ATXN2: variants seen among roughly 807,000 people sequenced by gnomAD.
The protein encoded by ATXN2 is ataxin 2.
A neutral mutation model predicts 138.6 loss-of-function variants in ATXN2; 37 were observed. The ratio of observed to expected loss-of-function variants is 0.27; its 90% CI spans 0.21 to 0.35. ATXN2 has a LOEUF of 0.35. ATXN2 is among the 10% of genes least tolerant of loss of function. The probability of loss-of-function intolerance (pLI) is 1.00; values close to 1 mark genes in which losing one functional copy is unlikely to be tolerated. For synonymous variants in ATXN2, 549 were observed against 543.7 expected (o/e 1.01, Z -0.13); for missense variants, 1,216 against 1,480.3 (o/e 0.82, Z 2.93).
intron 5 of ATXN2, among the ~76,000 whole-genome samples, chr12:111,547,723 C>T (rs1214998404): frequency 6.8e-6 from 1 of 147,466 alleles, no homozygotes; most frequent in Non-Finnish European, 1.5e-5. Context: ...AAAACTCCGT[C>T]CCAAGGAAAA....
intron 3 of ATXN2, among the ~76,000 whole-genome samples, chr12:111,553,572 C>CAAA (rs757837884): frequency 1.8e-3 from 89 of 48,848 alleles, no homozygotes; most frequent in Non-Finnish European, 2.6e-3. Context: ...TCTTTTTTCT[C>CAAA]AAAAAAAAAA....
At chr12:111,460,981 G>A (rs779608407) in intron 21 of ATXN2, among the ~76,000 whole-genome samples, 2 of 151,984 alleles carry the variant, frequency 1.3e-5, no homozygotes, top group African/African-American at 4.8e-5. Context: ...CCTAAATACC[G>A]GTAAACTTGC....
At chr12:111,495,013 T>C (rs1250357105) in intron 14 of ATXN2, among the ~76,000 whole-genome samples, 1 of 151,770 alleles carries the variant, frequency 6.6e-6, no homozygotes, top group African/African-American at 2.4e-5. Flanking sequence ...GCTAAATGGA[T>C]TTAAAAAAAA....
chr12:111,551,422 T>C (rs1234122109), intron 5 of ATXN2, among the ~76,000 whole-genome samples: 1 of 152,204 alleles, frequency 6.6e-6, no homozygotes, highest in Non-Finnish European at 1.5e-5. Flanking sequence ...TGTTCATCAA[T>C]GGACACTTAA....
chr12:111,584,732 G>T (rs375825914), intron 1 of ATXN2, among the ~76,000 whole-genome samples: 1 of 151,752 alleles, frequency 6.6e-6, no homozygotes, highest in East Asian at 1.9e-4. Context: ...TTGGGAGGCC[G>T]AGGCAAGTGG....
rs1433950951 is a variant in ATXN2 at position 111,552,399 on chromosome 12, T to C, written c.452A>G (p.Lys151Arg). 1 of 1,612,984 alleles carries C rather than the reference T, an allele frequency of 6.2e-7. No individual in the cohort carries two copies. Among genetic ancestry groups the C allele is most frequent in the East Asian group, 2.2e-5 (1 of 44,794 alleles). ...CDLVLDAAHE[K>R]STESSSGPKR... ...CGGCCCCGAACTGGATTCTGTACTT[T>C]TCTCATGTGCGGCATCAAGTACCAA... The change falls in exon 5 of 25, where the codon AAA becomes AGA. Residue 151 changes from lysine (K) to arginine (R), a missense_variant. Around this residue, in one of 4 missense-constraint regions of ATXN2, gnomAD observed 401 missense variants for 528.1 expected, o/e 0.76. Coordinates refer to ENST00000673436, the MANE Select transcript of ATXN2 (RefSeq NM_001372574.1). The surrounding 1 kb of genome is among the most constrained non-coding windows in gnomAD (Gnocchi z 4.1).
Position 111,453,819 on chromosome 12 carries a change from A to T in ATXN2, c.3297T>A (p.Pro1099=). The T allele has an allele frequency of 6.2e-7, 1 of 1,613,836 alleles. No individual in the cohort carries two copies. Among genetic ancestry groups the T allele is most frequent in the Non-Finnish European group, 8.5e-7 (1 of 1,179,856 alleles). Residue 1099 remains proline (P), a synonymous_variant, in exon 24 of 25, where the codon CCT becomes CCA. Coordinates refer to ENST00000673436, the MANE Select transcript of ATXN2 (RefSeq NM_001372574.1). This position sits in a 1 kb window ranked among gnomAD's most constrained non-coding sequence, Gnocchi z 5.4. ...TTGGCGCATGGGCAGTTGGATGAGA[A>T]GGAACCATTCCTGACTGTACATGAG... ...PQAHVQSGMV[P]SHPTAHAPMM...
At chr12:111,475,009 C>T (rs529279772) in intron 18 of ATXN2, among the ~76,000 whole-genome samples, 32 of 152,122 alleles carry the variant, frequency 2.1e-4, no homozygotes, top group African/African-American at 7.0e-4. Context: ...GTCAGGAGAT[C>T]GATACCATCC....
chr12:111,493,779 C>T (rs1878211030), intron 14 of ATXN2, among the ~76,000 whole-genome samples: 3 of 151,820 alleles, frequency 2.0e-5, no homozygotes, highest in South Asian at 4.1e-4. Flanking sequence ...CAGGTGCGTG[C>T]CACCACGCCT....
chr12:111,569,124 T>C (rs1883178549), intron 1 of ATXN2, among the ~76,000 whole-genome samples: 1 of 152,210 alleles, frequency 6.6e-6, no homozygotes, highest in Admixed American at 6.5e-5. Flanking sequence ...ACAATTACCA[T>C]TCACACAAGA....
intron 6 of ATXN2, among the ~76,000 whole-genome samples, chr12:111,521,875 A>G (rs1880176098): frequency 6.6e-6 from 1 of 152,296 alleles, no homozygotes; most frequent in African/African-American, 2.4e-5. Flanking sequence ...AGAATCAACC[A>G]ATTGGGCCAC....
In ATXN2 at chr12:111,455,126, A is replaced by G. The variant is rs770047656; in HGVS notation, c.3270+903T>C. ...CCAGAGCCTCACTGGCGCACTATTT[A>G]ACAGGAAATGGAATTCATTGTGGCA... On this transcript the variant is annotated intron_variant, in intron 23 of 24. Transcript: ENST00000673436. 4.3e-6 allele frequency: 3 copies of G among 702,952 alleles called. No homozygotes were observed. In the South Asian group the frequency reaches 4.4e-5, roughly 10 times the overall value. The allele number at this position is 702,952 out of a possible 1,614,324, so 43.5% of individuals were successfully genotyped here.
rs577239264 is a variant in ATXN2 at position 111,591,824 on chromosome 12, A to G, written c.251+6960T>C. On this transcript the variant is annotated intron_variant, in intron 1 of 24. Transcript: ENST00000673436. Reference sequence around the variant, plus strand: ...AGGCTGCGCACGGTGGCTCATGCCTATAATCCCAGCACTTTGGGAGGCCAA... The same window carrying G: ...AGGCTGCGCACGGTGGCTCATGCCTGTAATCCCAGCACTTTGGGAGGCCAA... Among the ~76,000 whole-genome samples, 8 of 151,980 alleles carry G rather than the reference A, an allele frequency of 5.3e-5. No individual in the cohort carries two copies. The East Asian group carries it at 1.4e-3, about 26-fold the overall frequency.
At chr12:111,570,163 T>A (rs1883237226) in intron 1 of ATXN2, among the ~76,000 whole-genome samples, 1 of 152,164 alleles carries the variant, frequency 6.6e-6, no homozygotes, top group African/African-American at 2.4e-5. Context: ...GGCATTCATA[T>A]CACCTCTGAC....
At chr12:111,534,070 A>AT (rs1881000065) in intron 5 of ATXN2, among the ~76,000 whole-genome samples, 1 of 152,028 alleles carries the variant, frequency 6.6e-6, no homozygotes, top group East Asian at 1.9e-4. Flanking sequence ...GTATAAAAAT[A>AT]TTTTTTAAAA....
At chr12:111,587,607 G>T (rs142926227) in intron 1 of ATXN2, among the ~76,000 whole-genome samples, 1 of 152,046 alleles carries the variant, frequency 6.6e-6, no homozygotes, top group East Asian at 1.9e-4. Flanking sequence ...AGTGAGCCAT[G>T]ACCATACCAC....
chr12:111,496,227 G>A (rs1878413265), intron 14 of ATXN2, among the ~76,000 whole-genome samples: 1 of 151,814 alleles, frequency 6.6e-6, no homozygotes, highest in Non-Finnish European at 1.5e-5. Flanking sequence ...TATCTTCTCT[G>A]ATCACAATAA....
intron 1 of ATXN2, among the ~76,000 whole-genome samples, chr12:111,566,012 T>A (rs1335620041): frequency 1.4e-5 from 2 of 148,038 alleles, no homozygotes; most frequent in Non-Finnish European, 3.0e-5. Flanking sequence ...AAAAAAAAAA[T>A]TACTTCTCAT....
rs932061421 is a variant in ATXN2 at position 111,453,585 on chromosome 12, G to A, written c.3439+92C>T. 2.5e-5 allele frequency: 36 copies of A among 1,453,798 alleles called. 1 individual carries two copies. The South Asian group carries it at 3.2e-4, about 13-fold the overall frequency. 90.1% of individuals were successfully genotyped at this position (1,453,798 alleles called of 1,614,324 possible). Reference sequence around the variant, plus strand: ...ACGGGTCTTGCTAGTTCTCAAATGCGGGGCTTGAAGCACTGGCCCTGCCTG... The same window carrying A: ...ACGGGTCTTGCTAGTTCTCAAATGCAGGGCTTGAAGCACTGGCCCTGCCTG... On this transcript the variant is annotated intron_variant, in intron 24 of 24. Transcript: ENST00000673436. This position sits in a 1 kb window ranked among gnomAD's most constrained non-coding sequence, Gnocchi z 5.4.
Sources: allele counts gnomAD v4.1 joint callset (sites outside exome capture counted in the v4.1 genomes callset), GRCh38; gene constraint gnomAD v4.1.1; regional missense constraint gnomAD v4.1.1; non-coding constraint Gnocchi (gnomAD v3.1); transcripts MANE v1.5; gene names NCBI Gene and HGNC (gene_info 2026-07-23, HGNC 2026-07-21).